The following PTTG1IP2 variants were observed in gnomAD, a reference collection of about 807,000 sequenced individuals.
The protein encoded by PTTG1IP2 is PTTG1IP family member 2.
At chr7:90,507,708 C>T (rs979286876) in intron 6 of PTTG1IP2, among the ~76,000 whole-genome samples, 1 of 151,988 alleles carries the variant, frequency 6.6e-6, no homozygotes, top group Non-Finnish European at 1.5e-5. Context: ...CTTAAGTATT[C>T]CTGTATAAAA....
intron 1 of PTTG1IP2, chr7:90,470,367 C>T (rs1797668813): frequency 1.3e-5 from 2 of 152,086 alleles, no homozygotes; most frequent in Admixed American, 1.3e-4. Flanking sequence ...GGAGGCCTCT[C>T]TCGATTTCCT....
chr7:90,493,114 C>A (rs535268930), intron 5 of PTTG1IP2, among the ~76,000 whole-genome samples: 5 of 152,206 alleles, frequency 3.3e-5, no homozygotes, highest in Admixed American at 1.3e-4. Context: ...CTGCATAGTC[C>A]TTTATAATTA....
chr7:90,470,963 C>CAAAAAAAAAAAAAAAAAAAAAAAAAA (rs5885726), intron 1 of PTTG1IP2, among the ~76,000 whole-genome samples: 1 of 108,114 alleles, frequency 9.2e-6, no homozygotes, highest in Non-Finnish European at 2.0e-5. Context: ...TGATGAAGAA[C>CAAAAAAAAAAAAAAAAAAAAAAAAAA]AAAAAAAAAA....
chr7:90,472,687 C>G (rs1298033120), intron 1 of PTTG1IP2, among the ~76,000 whole-genome samples: 1 of 152,176 alleles, frequency 6.6e-6, no homozygotes, highest in Admixed American at 6.5e-5. Flanking sequence ...GGAGGTTGGA[C>G]TTCGCTTTCT....
chr7:90,482,396 C>T (rs1797822937), intron 2 of PTTG1IP2, among the ~76,000 whole-genome samples: 1 of 151,984 alleles, frequency 6.6e-6, no homozygotes, highest in Admixed American at 6.6e-5. Context: ...GGGAATCTTC[C>T]TTAGATTCTA....
intron 3 of PTTG1IP2, among the ~76,000 whole-genome samples, chr7:90,487,991 G>C (rs530681635): frequency 6.6e-6 from 1 of 152,150 alleles, no homozygotes; most frequent in African/African-American, 2.4e-5. Context: ...CACTAGGACT[G>C]AACAAATATT....
At chr7:90,511,984 A>G (rs1307744550) in intron 6 of PTTG1IP2, among the ~76,000 whole-genome samples, 2 of 152,252 alleles carry the variant, frequency 1.3e-5, no homozygotes, top group South Asian at 4.1e-4. Context: ...AACACTCAGT[A>G]AATAGCAGCT....
chr7:90,493,707 G>A (rs1363576197), intron 5 of PTTG1IP2, among the ~76,000 whole-genome samples: 1 of 152,192 alleles, frequency 6.6e-6, no homozygotes, highest in African/African-American at 2.4e-5. Context: ...GCTTGAGTAA[G>A]TGAAACAGGG....
intron 1 of PTTG1IP2, among the ~76,000 whole-genome samples, chr7:90,474,521 C>T (rs1797725912): frequency 6.6e-6 from 1 of 152,168 alleles, no homozygotes; most frequent in Non-Finnish European, 1.5e-5. Flanking sequence ...GCACTGAATA[C>T]AAAGAGCAGG....
intron 4 of PTTG1IP2, among the ~76,000 whole-genome samples, chr7:90,491,792 C>T (rs765629901): frequency 8.6e-5 from 13 of 151,994 alleles, no homozygotes; most frequent in Non-Finnish European, 1.8e-4. Flanking sequence ...TGTTTTAATT[C>T]TCCTGGTGGA....
chr7:90,489,717 A>G, intron 4 of PTTG1IP2, among the ~76,000 whole-genome samples: 1 of 151,996 alleles, frequency 6.6e-6, no homozygotes, highest in East Asian at 1.9e-4. Context: ...ACATGATTGT[A>G]TAAATGTTGT....
intron 6 of PTTG1IP2, among the ~76,000 whole-genome samples, chr7:90,509,472 AAGGAGGAAAAC>A (rs146508750): frequency 0.017 from 2,651 of 152,214 alleles, 83 homozygotes; most frequent in African/African-American, 0.06. Context: ...TGTTAATATA[AAGGAGGAAAAC>A]AGGAGGAAGG....
rs1187026337 is a variant in PTTG1IP2, at chr7:90,498,819, A to G, written c.*50+4389A>G. 2.0e-5 allele frequency among the ~76,000 whole-genome samples: 3 copies of G among 152,090 alleles called. No individual in the cohort carries two copies. The East Asian group carries it at 5.8e-4, about 29-fold the overall frequency. On this transcript the variant is annotated intron_variant, in intron 6 of 6. Coordinates refer to ENST00000509356, the MANE Select transcript of PTTG1IP2 (RefSeq NM_001365443.2). Reference sequence around the variant, plus strand: ...GGTATTTAACTTCTCTCCACCTCTTATTACTCTTTCTGTTTCCTTTTAAAA... The same window carrying G: ...GGTATTTAACTTCTCTCCACCTCTTGTTACTCTTTCTGTTTCCTTTTAAAA...
chr7:90,475,602 A>G (rs982819388), intron 1 of PTTG1IP2, among the ~76,000 whole-genome samples: 5 of 152,242 alleles, frequency 3.3e-5, no homozygotes, highest in Non-Finnish European at 5.9e-5. Context: ...GCCAACATTA[A>G]TGTAATAGGA....
At chr7:90,489,111 C>A (rs573842742) in intron 4 of PTTG1IP2, 147 bp downstream of exon 4, 1 of 150,292 alleles carries the variant, frequency 6.7e-6, no homozygotes, top group African/African-American at 2.4e-5. Flanking sequence ...CCAAAAAGTA[C>A]GGAAATTGTA....
chr7:90,500,390 A>G (rs1232744550), intron 6 of PTTG1IP2, among the ~76,000 whole-genome samples: 2 of 152,234 alleles, frequency 1.3e-5, no homozygotes, highest in Admixed American at 1.3e-4. Flanking sequence ...ATGTGAGGAA[A>G]CAAGACAGTG....
At chr7:90,508,387 A>G (rs1197270881) in intron 6 of PTTG1IP2, among the ~76,000 whole-genome samples, 1 of 152,196 alleles carries the variant, frequency 6.6e-6, no homozygotes, top group Non-Finnish European at 1.5e-5. Context: ...AATAAGGCTT[A>G]ATGGAGGTAT....
At chr7:90,513,032 T>C (rs780913540) in intron 6 of PTTG1IP2, among the ~76,000 whole-genome samples, 14 of 152,218 alleles carry the variant, frequency 9.2e-5, no homozygotes, top group Non-Finnish European at 1.9e-4. Context: ...ATAAATCGTT[T>C]ATGTTAGTTT....
At chr7:90,486,467 C>CTTTTTTTTTT (rs532687452) in intron 2 of PTTG1IP2, among the ~76,000 whole-genome samples, 1 of 119,220 alleles carries the variant, frequency 8.4e-6, no homozygotes, top group Non-Finnish European at 1.7e-5. Context: ...CTTTGTCTTC[C>CTTTTTTTTTT]TTTTTTTTTT....
Sources: allele counts gnomAD v4.1 joint callset (sites outside exome capture counted in the v4.1 genomes callset), GRCh38; gene constraint gnomAD v4.1.1; transcripts MANE v1.5; gene names NCBI Gene and HGNC (gene_info 2026-07-23, HGNC 2026-07-21).